Variants in UBR1 observed in about 807,000 individuals in gnomAD.
UBR1 encodes ubiquitin protein ligase E3 component n-recognin 1, also known as E3 ubiquitin-protein ligase UBR1.
In UBR1, 102 loss-of-function variants were observed where a neutral mutation model predicts 242.1. That is an observed-to-expected ratio of 0.42 (90% CI 0.36 to 0.50). The LOEUF is 0.50. Among genes scored for constraint, UBR1 ranks in the 20% least tolerant of loss-of-function variants. The pLI, the probability that UBR1 is intolerant of heterozygous loss-of-function variation, is 0.01. For missense variants in UBR1, 1,772 were observed against 2,101.8 expected (o/e 0.84, Z 3.07); for synonymous variants, 675 against 684.8 (o/e 0.99, Z 0.22).
At position 42,950,266 on chromosome 15, in the gene UBR1, G is replaced by C; in HGVS notation, c.5104C>G (p.Leu1702Val). 6.2e-7 allele frequency: 1 copy of C among 1,614,030 alleles called. No individual in the cohort carries two copies. Among genetic ancestry groups the C allele is most frequent in the Non-Finnish European group, 8.5e-7 (1 of 1,179,936 alleles). ...ATTATATAAAAAAAATCTTACTTCA[G>C]GCCAGGGTCTGTTTCTCCATATTCA... ...LDEYGETDPG[L>V]KRGNPLHLSR... The change falls in exon 46 of 47, where the codon CTG becomes GTG. Residue 1702 changes from leucine (L) to valine (V), a missense_variant. Leu to Val is a conservative substitution (Grantham distance 32). This residue lies in a region of UBR1 where 965 missense variants were observed against 1,079.7 expected (regional missense o/e 0.89). Coordinates refer to ENST00000290650, the MANE Select transcript of UBR1 (RefSeq NM_174916.3).
At chr15:42,981,614 C>T (rs1355084227) in intron 37 of UBR1, among the ~76,000 whole-genome samples, 3 of 152,062 alleles carry the variant, frequency 2.0e-5, no homozygotes, top group African/African-American at 7.2e-5. Context: ...CTCAGCCTCC[C>T]GAGTAGCTGG....
Position 43,047,205 on chromosome 15 carries a change from A to G in UBR1, c.1624T>C (p.Leu542=). ...TGGAACATGAGTAAAATATTCTTCA[A>G]TTGCATCTGTATAGCAATGGCAGCC... ...WEAAIAIQMQ[L]KNILLMFQEW... Residue 542 remains leucine, a synonymous_variant, in exon 14 of 47, where the codon TTG becomes CTG. Coordinates refer to ENST00000290650, the MANE Select transcript of UBR1 (RefSeq NM_174916.3). The G allele has an allele frequency of 6.2e-7, 1 of 1,614,190 alleles. No individual in the cohort carries two copies. The highest frequency in any genetic ancestry group is 8.5e-7 in the Non-Finnish European group (1 of 1,180,036).
intron 37 of UBR1, among the ~76,000 whole-genome samples, chr15:42,978,418 A>ATT (rs1403659868): frequency 6.6e-6 from 1 of 152,154 alleles, no homozygotes. Flanking sequence ...AAATTAGATA[A>ATT]TGGTTTATAT....
At chr15:43,060,421 G>T (rs894022705) in intron 6 of UBR1, among the ~76,000 whole-genome samples, 3 of 152,056 alleles carry the variant, frequency 2.0e-5, no homozygotes, top group Non-Finnish European at 4.4e-5. Context: ...AATGACTCAG[G>T]CTTTCTAAAC....
At chr15:42,957,516 C>T (rs1020008676) in intron 44 of UBR1, among the ~76,000 whole-genome samples, 24 of 152,016 alleles carry the variant, frequency 1.6e-4, no homozygotes, top group African/African-American at 5.8e-4. Flanking sequence ...TGTGGATTTC[C>T]CCTCAACTTA....
intron 37 of UBR1, among the ~76,000 whole-genome samples, chr15:42,979,511 T>C (rs1213980752): frequency 6.6e-6 from 1 of 152,178 alleles, no homozygotes; most frequent in Non-Finnish European, 1.5e-5. Flanking sequence ...ATGCAGTATA[T>C]GCAAGTTTGT....
intron 26 of UBR1, among the ~76,000 whole-genome samples, 157 bp from the exon 27 acceptor site, chr15:43,021,532 T>C (rs2033110765): frequency 6.6e-6 from 1 of 152,254 alleles, no homozygotes; most frequent in Non-Finnish European, 1.5e-5. Flanking sequence ...TCTATACACA[T>C]GCTTCTGTAT....
intron 11 of UBR1, among the ~76,000 whole-genome samples, chr15:43,055,955 A>G (rs995510524): frequency 6.6e-6 from 1 of 152,068 alleles, no homozygotes; most frequent in African/African-American, 2.4e-5. Context: ...TATACAAAGG[A>G]AGCAGAATCT....
At chr15:43,041,447 G>T (rs531875394) in intron 15 of UBR1, among the ~76,000 whole-genome samples, 1 of 152,148 alleles carries the variant, frequency 6.6e-6, no homozygotes, top group South Asian at 2.1e-4. Flanking sequence ...CTGTCGTGGG[G>T]TTGGGGGAGG....
At chr15:42,989,947 A>G in intron 34 of UBR1, 83 bp downstream of exon 34, 1 of 973,152 alleles carries the variant, frequency 1.0e-6, no homozygotes, top group South Asian at 1.5e-5. Context: ...ATAAAAAAGT[A>G]AGGAAAGATG....
rs757123489 is a variant in UBR1, at chr15:43,021,287, C to T, written c.2928G>A (p.Thr976=). The part of the protein sequence containing the change: ...PQLEGQKDMI[T]WILQMFDTVK... ...TTTTTTAGTTTACCTGAAGTATCCA[C>T]GTTATCATGTCCTTCTGGCCTTCTA... The change falls in exon 27 of 47, where the codon ACG becomes ACA. Residue 976 remains threonine (T), a synonymous_variant. Transcript: ENST00000290650. 24 of 1,613,508 alleles carry T rather than the reference C, an allele frequency of 1.5e-5. No homozygotes were observed. The highest frequency in any genetic ancestry group is 1.3e-4 in the East Asian group (6 of 44,796).
intron 32 of UBR1, among the ~76,000 whole-genome samples, chr15:43,000,830 C>CTTTA (rs1567120586): frequency 2.0e-5 from 3 of 152,058 alleles, no homozygotes; most frequent in East Asian, 1.9e-4. Flanking sequence ...TAGAACAACT[C>CTTTA]TTTATTTATT....
intron 43 of UBR1, 151 bp downstream of exon 43, chr15:42,960,494 A>C (rs968874883): frequency 4.4e-5 from 35 of 789,612 alleles, no homozygotes; most frequent in Admixed American, 9.3e-5. Flanking sequence ...TGTAGGAAGA[A>C]TCTGATTTCT....
intron 41 of UBR1, among the ~76,000 whole-genome samples, chr15:42,965,868 G>A (rs1360222535): frequency 6.6e-6 from 1 of 152,154 alleles, no homozygotes; most frequent in Non-Finnish European, 1.5e-5. Context: ...CTAATTTCTT[G>A]TATAGCATAT....
At chr15:43,015,473 C>T (rs1345438049) in intron 29 of UBR1, among the ~76,000 whole-genome samples, 1 of 152,090 alleles carries the variant, frequency 6.6e-6, no homozygotes, top group Admixed American at 6.5e-5. Context: ...TCACCACTCC[C>T]TAATCTCAAG....
intron 30 of UBR1, among the ~76,000 whole-genome samples, chr15:43,004,355 T>TCTCCTCTCCCTCCTCTCC (rs572362360): frequency 3.4e-5 from 5 of 146,990 alleles, no homozygotes; most frequent in Admixed American, 1.3e-4. Context: ...CTCTCCCTCC[T>TCTCCTCTCCCTCCTCTCC]CTCCTCTCCC....
At chr15:43,064,147 C>T (rs1023005537) in intron 6 of UBR1, among the ~76,000 whole-genome samples, 1 of 152,154 alleles carries the variant, frequency 6.6e-6, no homozygotes, top group Non-Finnish European at 1.5e-5. Flanking sequence ...GTTTAGTGAA[C>T]TCATTTAGAG....
chr15:43,048,479 G>C lies in UBR1; in HGVS notation c.1452C>G (p.Ile484Met), dbSNP rs1207178464. Residue 484 changes from isoleucine (I) to methionine (M), a missense_variant, in exon 13 of 47, where the codon ATC becomes ATG. By Grantham distance (10) the Ile-to-Met change is conservative. Transcript: ENST00000290650. Reference sequence around the variant, plus strand: ...TTTCTGTCCATATTGTGGGTTTGCTGATCAGGATATACCTATCGTTTCAAG... The same window carrying C: ...TTTCTGTCCATATTGTGGGTTTGCTCATCAGGATATACCTATCGTTTCAAG... ...AVICDLKYIL[I>M]SKPTIWTERL... 1 of 1,612,810 alleles carries C rather than the reference G, an allele frequency of 6.2e-7. No individual in the cohort carries two copies. The highest frequency in any genetic ancestry group is 2.2e-5 in the East Asian group (1 of 44,786).
At chr15:43,009,662 G>T (rs1165160499) in intron 29 of UBR1, among the ~76,000 whole-genome samples, 1 of 152,168 alleles carries the variant, frequency 6.6e-6, no homozygotes, top group Non-Finnish European at 1.5e-5. Context: ...GACAACAAAA[G>T]ACTCAACCCA....
Sources: gnomAD v4.1 joint callset for allele counts (sites outside exome capture counted in the v4.1 genomes callset) on GRCh38, gnomAD v4.1.1 for gene constraint, gnomAD v4.1.1 regional missense constraint, MANE v1.5 for transcripts, NCBI Gene and HGNC (gene_info 2026-07-23, HGNC 2026-07-21) for gene names.